The following ANO3 variants were observed in gnomAD, a reference collection of about 807,000 sequenced individuals.
The protein encoded by ANO3 is anoctamin-3.
ANO3 carries 99 observed loss-of-function variants against 144.8 expected under a neutral mutation model. That is an observed-to-expected ratio of 0.68 (90% confidence interval 0.58 to 0.81). ANO3 has a LOEUF of 0.81. ANO3 is among the 30% of genes least tolerant of loss of function. The pLI, the probability that ANO3 is intolerant of heterozygous loss-of-function variation, is 0.00. For synonymous variants in ANO3, 414 were observed against 392.6 expected (o/e 1.05, Z -0.64); for missense variants, 905 against 1,202.2 (o/e 0.75, Z 3.66).
At chr11:26,391,782 C>T (rs1367674312) in intron 1 of ANO3, among the ~76,000 whole-genome samples, 1 of 152,058 alleles carries the variant, frequency 6.6e-6, no homozygotes, top group Non-Finnish European at 1.5e-5. Flanking sequence ...CTCATGATAG[C>T]TCTTTTATGT....
intron 5 of ANO3, among the ~76,000 whole-genome samples, chr11:26,516,446 T>C (rs983628613): frequency 3.3e-5 from 5 of 151,884 alleles, no homozygotes; most frequent in Admixed American, 2.6e-4. Flanking sequence ...AATAAATGAC[T>C]AGTGGTAACT....
intron 1 of ANO3, among the ~76,000 whole-genome samples, chr11:26,414,029 A>G (rs1293112180): frequency 6.6e-6 from 1 of 152,124 alleles, no homozygotes; most frequent in Non-Finnish European, 1.5e-5. Flanking sequence ...AATCGCCCAT[A>G]ACTTTGTGAG....
chr11:26,587,080 A>T (rs1283941885), intron 14 of ANO3, among the ~76,000 whole-genome samples: 1 of 152,070 alleles, frequency 6.6e-6, no homozygotes, highest in East Asian at 1.9e-4. Context: ...GATTAAATTC[A>T]TGTAATCCTT....
intron 1 of ANO3, among the ~76,000 whole-genome samples, chr11:26,413,397 A>G (rs922717234): frequency 6.6e-6 from 1 of 151,796 alleles, no homozygotes; most frequent in South Asian, 2.1e-4. Flanking sequence ...GATGCCATGC[A>G]TTTTTTTGGA....
At chr11:26,559,936 A>G (rs1850220740) in intron 14 of ANO3, 157 bp downstream of exon 14, 1 of 553,238 alleles carries the variant, frequency 1.8e-6, no homozygotes, top group South Asian at 3.1e-5. Flanking sequence ...CTCTCTTCAT[A>G]TATTCAGTGC....
rs1339558791 is a variant in ANO3, at chr11:26,431,447, GGTTT to G, written c.47-10467_47-10464del. 4.6e-5 allele frequency among the ~76,000 whole-genome samples: 7 copies of G among 152,278 alleles called. No homozygotes were observed. In the East Asian group the frequency reaches 1.2e-3, roughly 25 times the overall value. On this transcript the variant is annotated intron_variant, in intron 1 of 26. Transcript: ENST00000256737. ...TTTTAGGTACAGGGATACATGTGTA[GGTTT>G]GTTACAGAGATAAACTCGTGCCACA...
At chr11:26,590,514 C>T (rs938121204) in intron 14 of ANO3, among the ~76,000 whole-genome samples, 11 of 152,198 alleles carry the variant, frequency 7.2e-5, no homozygotes, top group African/African-American at 2.2e-4. Context: ...CCCAAGATGG[C>T]GGCAAGACTT....
At chr11:26,202,982 G>A (rs1211440723) in intron 1 of ANO3, among the ~76,000 whole-genome samples, 2 of 152,202 alleles carry the variant, frequency 1.3e-5, no homozygotes, top group South Asian at 2.1e-4. Context: ...ACTTTGGGTT[G>A]TGTGAGACAG....
chr11:26,189,048 G>A, exon 1 of ANO3: 1 of 287,750 alleles, frequency 3.5e-6, no homozygotes, highest in Non-Finnish European at 5.2e-6. Flanking sequence ...GGATTTCCAA[G>A]TGAAAATAAT....
At chr11:26,520,772 G>A (rs1325652880) in intron 6 of ANO3, among the ~76,000 whole-genome samples, 1 of 152,094 alleles carries the variant, frequency 6.6e-6, no homozygotes, top group Non-Finnish European at 1.5e-5. Context: ...AGAGATTCTG[G>A]CATATTAGCT....
chr11:26,515,498 G>A (rs980042112), intron 5 of ANO3, among the ~76,000 whole-genome samples: 1 of 151,908 alleles, frequency 6.6e-6, no homozygotes, highest in African/African-American at 2.4e-5. Context: ...TTAGGCCAAT[G>A]ACATTGGTTC....
intron 1 of ANO3, among the ~76,000 whole-genome samples, chr11:26,235,175 C>T (rs1450700872): frequency 6.6e-6 from 1 of 152,110 alleles, no homozygotes; most frequent in Non-Finnish European, 1.5e-5. Flanking sequence ...CTGGAAATGC[C>T]CTCACAGATA....
intron 1 of ANO3, among the ~76,000 whole-genome samples, chr11:26,272,271 A>T (rs1853455841): frequency 6.6e-6 from 1 of 152,038 alleles, no homozygotes; most frequent in Non-Finnish European, 1.5e-5. Context: ...TACAAGAAAA[A>T]GTTGAATTGC....
chr11:26,587,310 G>A (rs1057503032), intron 14 of ANO3, among the ~76,000 whole-genome samples: 20 of 152,152 alleles, frequency 1.3e-4, no homozygotes, highest in Non-Finnish European at 1.5e-5. Flanking sequence ...TTTAGGGTCG[G>A]CCCCAGCCTT....
rs1853852093 is a variant in ANO3 at position 26,660,692 on chromosome 11, C to T, written c.*248C>T. On this transcript the variant is annotated 3_prime_UTR_variant, in exon 27 of 27. Coordinates refer to ENST00000256737, the MANE Select transcript of ANO3 (RefSeq NM_031418.4). ...GGAAGCCAGGATGTAATTCTCAGAACCAGTCTCAGGGAGATATATGCTTGG... is the reference window on the plus strand; with the variant it reads ...GGAAGCCAGGATGTAATTCTCAGAATCAGTCTCAGGGAGATATATGCTTGG... The T allele has an allele frequency of 1.2e-5, 5 of 423,012 alleles. No individual in the cohort carries two copies. In the South Asian group the frequency reaches 1.9e-4, roughly 16 times the overall value. 26.2% of individuals were successfully genotyped at this position (423,012 alleles called of 1,614,324 possible). A position where few individuals can be genotyped will look rare whatever the true frequency, so the allele number is the denominator to read the frequency against.
rs186384575 is a variant in ANO3, at chr11:26,659,988, G to T, written c.2764-274G>T. Reference sequence around the variant, plus strand: ...TTTCATAATATGTAAAGATTTTATAGGAGTGAATTTAAGATTTATTCAGTG... The same window carrying T: ...TTTCATAATATGTAAAGATTTTATATGAGTGAATTTAAGATTTATTCAGTG... On this transcript the variant is annotated intron_variant, in intron 26 of 26. Coordinates refer to ENST00000256737, the MANE Select transcript of ANO3 (RefSeq NM_031418.4). 3.0e-4 allele frequency among the ~76,000 whole-genome samples: 45 copies of T among 152,194 alleles called. No individual in the cohort carries two copies. The East Asian group carries it at 7.4e-3, about 25-fold the overall frequency.
intron 1 of ANO3, among the ~76,000 whole-genome samples, chr11:26,319,175 AT>A (rs1854699617): frequency 6.6e-6 from 1 of 151,472 alleles, no homozygotes; most frequent in African/African-American, 2.4e-5. Flanking sequence ...CGTTATTATT[AT>A]TTTGTAGAGA....
intron 10 of ANO3, among the ~76,000 whole-genome samples, chr11:26,539,878 G>C (rs1022248336): frequency 6.6e-6 from 1 of 151,996 alleles, no homozygotes; most frequent in African/African-American, 2.4e-5. Flanking sequence ...CTGTCATCTA[G>C]GTGAGAAAAC....
At chr11:26,437,498 T>A (rs1383351786) in intron 1 of ANO3, among the ~76,000 whole-genome samples, 1 of 152,190 alleles carries the variant, frequency 6.6e-6, no homozygotes, top group Non-Finnish European at 1.5e-5. Context: ...CAGATAGTCA[T>A]CCTGTCTTGA....
Sources: gnomAD v4.1 joint callset for allele counts (sites outside exome capture counted in the v4.1 genomes callset) on GRCh38, gnomAD v4.1.1 for gene constraint, MANE v1.5 for transcripts, NCBI Gene and HGNC (gene_info 2026-07-23, HGNC 2026-07-21) for gene names.